Variants in CPLX2 observed in about 807,000 individuals in gnomAD.
CPLX2 encodes the protein complexin-2.
Under a neutral mutation model 16.3 loss-of-function variants are expected in CPLX2, and 5 were observed. The ratio of observed to expected loss-of-function variants is 0.31; its 90% CI spans 0.16 to 0.64. The LOEUF is 0.64. CPLX2 is among the 30% of genes least tolerant of loss of function. The pLI is 0.79. For synonymous variants in CPLX2, 89 were observed against 73.2 expected, an observed-to-expected ratio of 1.22 and a Z score of -1.10; for missense variants, 144 against 181.4, an observed-to-expected ratio of 0.79 and a Z score of 1.18.
chr5:175,840,380 T>C (rs1226195046), intron 2 of CPLX2, among the ~76,000 whole-genome samples: 2 of 152,190 alleles, frequency 1.3e-5, no homozygotes, highest in Admixed American at 6.5e-5. Context: ...ATTTGCGTCT[T>C]TTCTTCAGGT....
intron 2 of CPLX2, among the ~76,000 whole-genome samples, chr5:175,829,806 G>A (rs1045427889): frequency 6.6e-6 from 1 of 152,226 alleles, no homozygotes; most frequent in Non-Finnish European, 1.5e-5. Flanking sequence ...CAGAGATGCG[G>A]TCCTGACCCT....
Position 175,809,200 on chromosome 5 carries a change from A to G in CPLX2, c.-89+132A>G, listed in dbSNP as rs1758269110. 6.6e-6 allele frequency: 1 copy of G among 152,300 alleles called. No individual in the cohort carries two copies. The highest frequency in any genetic ancestry group is 1.5e-5 in the Non-Finnish European group (1 of 68,122). 9.4% of individuals were successfully genotyped at this position (152,300 alleles called of 1,614,324 possible). A position where few individuals can be genotyped will look rare whatever the true frequency, so the allele number is the denominator to read the frequency against. The stretch of plus-strand genomic sequence containing the variant: ...ACAGTCCTAAGATGGAGTGAGATGG[A>G]TCAGTTGGGCAGTGTGATGGAATGG... On this transcript the variant is annotated intron_variant, in intron 2 of 4. Coordinates refer to the CPLX2 transcript ENST00000359546. The surrounding 1 kb of genome is among the most constrained non-coding windows in gnomAD (Gnocchi z 4.4).
intron 1 of CPLX2, 51 bp from the exon 2 acceptor site, chr5:175,878,601 C>A: frequency 1.1e-6 from 1 of 947,838 alleles, no homozygotes. Flanking sequence ...AGCTCCCCCG[C>A]CCTGCCTGTG....
chr5:175,808,256 C>T (rs1478377266), intron 1 of CPLX2, among the ~76,000 whole-genome samples: 1 of 152,154 alleles, frequency 6.6e-6, no homozygotes, highest in Non-Finnish European at 1.5e-5. Context: ...GATGGAACAT[C>T]GACCTCACTC....
rs181274944 is a variant in CPLX2 at position 175,809,114 on chromosome 5, A to T, written c.-89+46A>T. The T allele has an allele frequency of 6.6e-6, 1 of 152,310 alleles. No homozygotes were observed. The highest frequency in any genetic ancestry group is 1.5e-5 in the Non-Finnish European group (1 of 68,106). 9.4% of individuals were successfully genotyped at this position (152,310 alleles called of 1,614,324 possible). On this transcript the variant is annotated intron_variant, in intron 2 of 4. Transcript: ENST00000359546. The surrounding 1 kb of genome is among the most constrained non-coding windows in gnomAD (Gnocchi z 4.4). ...TAAAGCCCTGGATAGTGTTCAGGGCATCCCCTCATCCCTGGAGCCCTGATG... is the reference window on the plus strand; with the variant it reads ...TAAAGCCCTGGATAGTGTTCAGGGCTTCCCCTCATCCCTGGAGCCCTGATG...
chr5:175,836,364 A>AAAT lies in CPLX2; in HGVS notation c.-89+27299_-89+27301dup, dbSNP rs372933782. ...GACTCCGTCTCAAAATAAATAAATA[A>AAAT]AATAAAATAAAATAAAATCTCAACT... On this transcript the variant is annotated intron_variant, in intron 2 of 4. Transcript: ENST00000359546. Among the ~76,000 whole-genome samples the AAAT allele has an allele frequency of 5.4e-3, 826 of 152,088 alleles. 9 individuals are homozygous for AAAT. Among genetic ancestry groups the AAAT allele is most frequent in the African/African-American group, 0.019 (796 of 41,486 alleles).
intron 1 of CPLX2, among the ~76,000 whole-genome samples, chr5:175,803,213 AG>A (rs1242443294): frequency 6.6e-6 from 1 of 152,224 alleles, no homozygotes; most frequent in African/African-American, 2.4e-5. Flanking sequence ...CTGAAGCCCA[AG>A]GAATGGCTCA....
intron 2 of CPLX2, among the ~76,000 whole-genome samples, chr5:175,847,693 G>A (rs747658447): frequency 6.6e-6 from 1 of 152,148 alleles, no homozygotes; most frequent in Non-Finnish European, 1.5e-5. Context: ...GCATGAGAAG[G>A]CGGCTGCAGA....
chr5:175,882,221 C>T lies in CPLX2; in HGVS notation c.*2176C>T, dbSNP rs935878480. ...GGGAGCCGCCTCGCACCCCTGTTGT[C>T]TGCTTGTCTCTTTGTGTCTGTTATC... On this transcript the variant is annotated 3_prime_UTR_variant, in exon 4 of 4. Coordinates refer to ENST00000393745, the MANE Select transcript of CPLX2 (RefSeq NM_001008220.2). The T allele has an allele frequency of 6.6e-6, 1 of 152,436 alleles. No homozygotes were observed. The highest frequency in any genetic ancestry group is 2.4e-5 in the African/African-American group (1 of 41,298). 9.4% of individuals were successfully genotyped at this position (152,436 alleles called of 1,614,324 possible).
At chr5:175,838,369 G>A (rs1031902418) in intron 2 of CPLX2, among the ~76,000 whole-genome samples, 1 of 148,704 alleles carries the variant, frequency 6.7e-6, no homozygotes, top group African/African-American at 2.5e-5. Flanking sequence ...CTGGGTTCAC[G>A]CCATTCTCCT....
chr5:175,879,312 C>T (rs1755511134), intron 3 of CPLX2, among the ~76,000 whole-genome samples: 3 of 152,178 alleles, frequency 2.0e-5, no homozygotes, highest in Admixed American at 2.0e-4. Flanking sequence ...GAGGGTGGAC[C>T]CTACGGTCCA....
At chr5:175,873,718 T>A (rs564304508) in intron 1 of CPLX2, among the ~76,000 whole-genome samples, 1 of 152,326 alleles carries the variant, frequency 6.6e-6, no homozygotes, top group East Asian at 1.9e-4. Flanking sequence ...TGTTAGATAA[T>A]ATGTACCTAC....
At chr5:175,862,030 G>C (rs1759383254) in intron 2 of CPLX2, among the ~76,000 whole-genome samples, 2 of 152,204 alleles carry the variant, frequency 1.3e-5, no homozygotes, top group Non-Finnish European at 2.9e-5. Context: ...GCATGCCCCT[G>C]TCTTATTCTG....
intron 2 of CPLX2, among the ~76,000 whole-genome samples, chr5:175,829,104 G>A (rs933962648): frequency 6.6e-5 from 10 of 152,212 alleles, no homozygotes; most frequent in African/African-American, 1.9e-4. Context: ...CAGGTGAAGG[G>A]CAGCCACTGA....
In CPLX2 at chr5:175,826,553, C is replaced by G. The variant is rs146830024; in HGVS notation, c.-89+17485C>G. On this transcript the variant is annotated intron_variant, in intron 2 of 4. Transcript: ENST00000359546. Reference sequence around the variant, plus strand: ...TAGGCCAGCAGGAATCAGACGGACCCTCAACTGGGCTGGAGAGATGTTTGT... The same window carrying G: ...TAGGCCAGCAGGAATCAGACGGACCGTCAACTGGGCTGGAGAGATGTTTGT... Among the ~76,000 whole-genome samples, 105 of 152,310 alleles carry G rather than the reference C, an allele frequency of 6.9e-4. 1 individual carries two copies. The highest frequency in any genetic ancestry group is 2.4e-3 in the African/African-American group (98 of 41,580).
chr5:175,831,185 C>T (rs191477797), intron 2 of CPLX2, among the ~76,000 whole-genome samples: 47 of 152,168 alleles, frequency 3.1e-4, no homozygotes, highest in Non-Finnish European at 5.0e-4. Flanking sequence ...TCAGTGTTTA[C>T]GTGTGTCTGT....
chr5:175,854,185 C>T (rs1450843498), intron 2 of CPLX2, among the ~76,000 whole-genome samples: 1 of 152,202 alleles, frequency 6.6e-6, no homozygotes, highest in Non-Finnish European at 1.5e-5. Flanking sequence ...CTTCTCACAG[C>T]TCCTCCTTCC....
Position 175,879,961 on chromosome 5 carries a change from C to T in CPLX2, c.321C>T (p.Asp107=), listed in dbSNP as rs547842894. 596 of 1,613,538 alleles carry T rather than the reference C, an allele frequency of 3.7e-4. 4 individuals are homozygous for T. The South Asian group carries it at 6.1e-3, about 17-fold the overall frequency. The change falls in exon 4 of 4, where the codon GAC becomes GAT. Residue 107 remains aspartate, a synonymous_variant. Transcript: ENST00000393745. The part of the protein sequence containing the change: ...PKKAIPAGCG[D]EEEEEEESIL... Reference sequence around the variant, plus strand: ...AGGCCATCCCTGCGGGCTGCGGGGACGAGGAGGAGGAGGAAGAGGAGAGCA... The same window carrying T: ...AGGCCATCCCTGCGGGCTGCGGGGATGAGGAGGAGGAGGAAGAGGAGAGCA...
intron 1 of CPLX2, among the ~76,000 whole-genome samples, chr5:175,802,646 G>A (rs1445344710): frequency 1.3e-5 from 2 of 152,074 alleles, no homozygotes; most frequent in African/African-American, 4.8e-5. Context: ...TAGGGCATGG[G>A]GCCAGGTGCT....
Sources: allele counts gnomAD v4.1 joint callset (sites outside exome capture counted in the v4.1 genomes callset), GRCh38; gene constraint gnomAD v4.1.1; non-coding constraint Gnocchi (gnomAD v3.1); transcripts MANE v1.5; gene names NCBI Gene and HGNC (gene_info 2026-07-23, HGNC 2026-07-21).